Variants in RABGAP1 observed in about 807,000 individuals in gnomAD.
The protein encoded by RABGAP1 is RAB GTPase activating protein 1.
In RABGAP1, 23 loss-of-function variants were observed where a neutral mutation model predicts 137.6. That is an observed-to-expected ratio of 0.17 (90% CI 0.12 to 0.24). The LOEUF (loss-of-function observed/expected upper bound fraction) is 0.24. RABGAP1 is among the 10% of genes least tolerant of loss of function. RABGAP1 has a pLI of 1.00. For synonymous variants in RABGAP1, 451 were observed against 450.7 expected (o/e 1.00, Z -0.01); for missense variants, 906 against 1,275.8 (o/e 0.71, Z 4.42).
chr9:122,984,507 A>G lies in RABGAP1; in HGVS notation c.173A>G (p.Gln58Arg). ...TAGATTGTAGGGAATGGAAGTGAAC[A>G]GCAGCTGCAAAAAGAGCTAGCAGAT... ...GLKIVGNGSE[Q>R]QLQKELADVL... The change falls in exon 3 of 26, where the codon CAG becomes CGG. Residue 58 changes from glutamine to arginine, a missense_variant. Transcript: ENST00000373647. 1 of 1,614,082 alleles carries G rather than the reference A, an allele frequency of 6.2e-7. No homozygotes were observed. The highest frequency in any genetic ancestry group is 8.5e-7 in the Non-Finnish European group (1 of 1,179,980).
At chr9:123,081,408 G>GA (rs2034703752) in intron 19 of RABGAP1, among the ~76,000 whole-genome samples, 1 of 152,082 alleles carries the variant, frequency 6.6e-6, no homozygotes, top group African/African-American at 2.4e-5. Flanking sequence ...GCCAGTCTAG[G>GA]AAAAAGATAG....
At chr9:122,979,933 A>G (rs1443212590) in intron 2 of RABGAP1, among the ~76,000 whole-genome samples, 1 of 152,222 alleles carries the variant, frequency 6.6e-6, no homozygotes, top group Non-Finnish European at 1.5e-5. Flanking sequence ...AGAGAGCCCT[A>G]CTAAGAGTGG....
intron 6 of RABGAP1, among the ~76,000 whole-genome samples, chr9:122,992,124 T>A (rs1472370595): frequency 6.6e-6 from 1 of 151,684 alleles, no homozygotes; most frequent in Non-Finnish European, 1.5e-5. Flanking sequence ...GCAACCTCTG[T>A]CTCCCAGGTT....
At position 123,103,317 on chromosome 9, in the gene RABGAP1, C is replaced by G; in HGVS notation, c.*104C>G. The G allele has an allele frequency of 2.0e-6, 3 of 1,517,494 alleles. No homozygotes were observed. The highest frequency in any genetic ancestry group is 2.7e-6 in the Non-Finnish European group (3 of 1,124,168). 94.0% of individuals were successfully genotyped at this position (1,517,494 alleles called of 1,614,324 possible). A position where few individuals can be genotyped will look rare whatever the true frequency, so the allele number is the denominator to read the frequency against. On this transcript the variant is annotated 3_prime_UTR_variant, in exon 26 of 26. Transcript: ENST00000373647. Reference sequence around the variant, plus strand: ...GACTTGTCCCAGGACCAGAATGTACCTAAGTCAGATCCATAGACGCATGTT... The same window carrying G: ...GACTTGTCCCAGGACCAGAATGTACGTAAGTCAGATCCATAGACGCATGTT...
Position 122,986,283 on chromosome 9 carries a change from T to C in RABGAP1, c.454T>C (p.Tyr152His). ...CAGCGTAGTTTTCAGTAAACTGACT[T>C]ACTTAGGCTGTGCCTCGGTAAATGC... ...EDSVVFSKLT[Y>H]LGCASVNAPR... The change falls in exon 4 of 26, where the codon TAC becomes CAC. Residue 152 changes from tyrosine to histidine, a missense_variant. Physicochemically the swap from Tyr to His is moderately conservative, Grantham distance 83. Transcript: ENST00000373647. 1 of 1,614,198 alleles carries C rather than the reference T, an allele frequency of 6.2e-7. No individual in the cohort carries two copies. Among genetic ancestry groups the C allele is most frequent in the Non-Finnish European group, 8.5e-7 (1 of 1,180,018 alleles).
At chr9:123,029,020 T>C (rs536016002) in intron 13 of RABGAP1, among the ~76,000 whole-genome samples, 12 of 152,320 alleles carry the variant, frequency 7.9e-5, no homozygotes, top group Middle Eastern at 3.4e-3. Context: ...TTACTTGGGC[T>C]AGCATGGAGT....
rs1836367713 is a variant in RABGAP1 at position 122,986,321 on chromosome 9, A to G, written c.492A>G (p.Glu164=). 1 of 1,614,014 alleles carries G rather than the reference A, an allele frequency of 6.2e-7. No individual in the cohort carries two copies. Among genetic ancestry groups the G allele is most frequent in the Non-Finnish European group, 8.5e-7 (1 of 1,180,000 alleles). The change falls in exon 4 of 26, where the codon GAA becomes GAG. Residue 164 remains glutamate, a synonymous_variant. Coordinates refer to ENST00000373647, the MANE Select transcript of RABGAP1 (RefSeq NM_012197.4). ...GCASVNAPRS[E]VEALRMMSIL... ...CCTCGGTAAATGCTCCCAGGAGTGA[A>G]GTGGAAGCCTTAAGGATGATGTCCA...
intron 19 of RABGAP1, among the ~76,000 whole-genome samples, chr9:123,087,680 A>C (rs562925632): frequency 6.6e-6 from 1 of 152,180 alleles, no homozygotes; most frequent in Non-Finnish European, 1.5e-5. Flanking sequence ...GGTCAGCTGG[A>C]GCAGAATGCT....
At chr9:122,962,064 CT>C (rs1437413041) in intron 2 of RABGAP1, among the ~76,000 whole-genome samples, 1 of 152,100 alleles carries the variant, frequency 6.6e-6, no homozygotes, top group Non-Finnish European at 1.5e-5. Context: ...TATTGTTGGA[CT>C]TCTAACATTT....
intron 10 of RABGAP1, among the ~76,000 whole-genome samples, chr9:123,003,666 C>T (rs1432809312): frequency 6.6e-6 from 1 of 152,128 alleles, no homozygotes; most frequent in Non-Finnish European, 1.5e-5. Flanking sequence ...ATCCTGGAAG[C>T]CTTCCCATCT....
intron 1 of RABGAP1, among the ~76,000 whole-genome samples, chr9:122,941,661 A>G (rs1336984071): frequency 1.3e-5 from 2 of 152,216 alleles, no homozygotes; most frequent in African/African-American, 4.8e-5. Context: ...CGTTCTTGGC[A>G]TCCCAGTCTT....
chr9:123,081,883 T>C (rs1388190842), intron 19 of RABGAP1, among the ~76,000 whole-genome samples: 1 of 152,200 alleles, frequency 6.6e-6, no homozygotes, highest in Admixed American at 6.5e-5. Flanking sequence ...ACCAGCTGTA[T>C]AGTGACAGAC....
chr9:123,074,122 G>T (rs2034442499), intron 16 of RABGAP1, among the ~76,000 whole-genome samples, 163 bp from the exon 17 acceptor site: 1 of 152,168 alleles, frequency 6.6e-6, no homozygotes, highest in Non-Finnish European at 1.5e-5. Context: ...AGAGTTGAGT[G>T]CCAGCTTAAT....
intron 2 of RABGAP1, among the ~76,000 whole-genome samples, chr9:122,965,592 C>T (rs1192374671): frequency 2.0e-5 from 3 of 152,188 alleles, no homozygotes; most frequent in Non-Finnish European, 4.4e-5. Context: ...CCATGTTGGC[C>T]ATGCTGGTCT....
At chr9:123,097,715 G>C in intron 21 of RABGAP1, 26 bp from the exon 22 acceptor site, 1 of 1,579,140 alleles carries the variant, frequency 6.3e-7, no homozygotes, top group Non-Finnish European at 8.6e-7. Context: ...TTCTTGTTTT[G>C]TGACAGCATA....
intron 14 of RABGAP1, among the ~76,000 whole-genome samples, chr9:123,065,814 A>C (rs1451813734): frequency 6.6e-6 from 1 of 152,186 alleles, no homozygotes; most frequent in Non-Finnish European, 1.5e-5. Context: ...TGAACTTGGC[A>C]CCTACGGTAC....
In RABGAP1 at chr9:123,045,266, G is replaced by A. The variant is rs114330339; in HGVS notation, c.1795-20082G>A. 4.3e-3 allele frequency among the ~76,000 whole-genome samples: 647 copies of A among 152,220 alleles called. 7 individuals are homozygous for A. Among genetic ancestry groups the A allele is most frequent in the East Asian group, 0.034 (176 of 5,184 alleles). ...TTTTGAAAATTTCTTCCAGAAAAAC[G>A]GAGGAAACCTCAACTGCCAAAGCCA... On this transcript the variant is annotated intron_variant, in intron 13 of 25. Transcript: ENST00000373647.
At chr9:123,047,625 T>C (rs963319796) in intron 13 of RABGAP1, among the ~76,000 whole-genome samples, 3 of 152,144 alleles carry the variant, frequency 2.0e-5, no homozygotes, top group African/African-American at 7.2e-5. Context: ...GATTCTTCCA[T>C]AGAAAAATTA....
chr9:123,020,198 G>A, intron 12 of RABGAP1, 111 bp from the exon 13 acceptor site: 1 of 974,368 alleles, frequency 1.0e-6, no homozygotes, highest in Non-Finnish European at 1.4e-6. Context: ...TTATTACTTT[G>A]TTACCTTGTC....
Sources: gnomAD v4.1 joint callset for allele counts (sites outside exome capture counted in the v4.1 genomes callset) on GRCh38, gnomAD v4.1.1 for gene constraint, MANE v1.5 for transcripts, NCBI Gene and HGNC (gene_info 2026-07-23, HGNC 2026-07-21) for gene names.